The following CPSF3 variants were observed in gnomAD, a reference collection of about 807,000 sequenced individuals.
CPSF3 encodes cleavage and polyadenylation specificity factor subunit 3.
A neutral mutation model predicts 84.1 loss-of-function variants in CPSF3; 57 were observed. The observed-to-expected ratio is 0.68, with a 90% CI of 0.55 to 0.85. The LOEUF (loss-of-function observed/expected upper bound fraction) is 0.85, where lower values mean the gene tolerates loss of function less well. CPSF3 is among the 40% of genes least tolerant of loss of function. The pLI is 0.00. For synonymous variants in CPSF3, 275 were observed against 278.1 expected (o/e 0.99, Z 0.11); for missense variants, 522 against 838.8 (o/e 0.62, Z 4.66).
chr2:9,440,981 C>A (rs553143898), intron 8 of CPSF3, among the ~76,000 whole-genome samples: 1 of 152,348 alleles, frequency 6.6e-6, no homozygotes, highest in African/African-American at 2.4e-5. Flanking sequence ...AGCTGACATT[C>A]TTTTTCTGCT....
At chr2:9,460,513 T>C (rs1386526894) in intron 15 of CPSF3, among the ~76,000 whole-genome samples, 3 of 152,146 alleles carry the variant, frequency 2.0e-5, no homozygotes, top group Non-Finnish European at 4.4e-5. Flanking sequence ...ATTAGGAAGA[T>C]ATGCTACTAT....
At chr2:9,471,538 T>C (rs1445130718) in intron 17 of CPSF3, 99 bp downstream of exon 17, 3 of 744,044 alleles carry the variant, frequency 4.0e-6, no homozygotes, top group Admixed American at 4.2e-5. Flanking sequence ...CTGTTGCATA[T>C]TGGCATTTGC....
At chr2:9,450,210 G>T (rs993985756) in intron 11 of CPSF3, among the ~76,000 whole-genome samples, 2 of 149,454 alleles carry the variant, frequency 1.3e-5, no homozygotes, top group Non-Finnish European at 3.0e-5. Context: ...GGAGTGCAAT[G>T]GTGCCATCTC....
chr2:9,468,060 A>C, intron 16 of CPSF3: 8 of 308,624 alleles, frequency 2.6e-5, no homozygotes, highest in Non-Finnish European at 4.7e-5. Context: ...AAACATTCTC[A>C]TCAAGGACAA....
rs904893356 is a variant in CPSF3 at position 9,466,390 on chromosome 2, GCGCACACACACGCA to G, written c.1787-1313_1787-1300del. ...CACACACCCACGCACTCGCACACAC[GCGCACACACACGCA>G]CGCGCACACACGCACACGCGCACAC... On this transcript the variant is annotated intron_variant, in intron 15 of 17. Coordinates refer to ENST00000238112, the MANE Select transcript of CPSF3 (RefSeq NM_016207.4). Among the ~76,000 whole-genome samples the G allele has an allele frequency of 2.5e-3, 189 of 75,758 alleles. 1 individual carries two copies. Among genetic ancestry groups the G allele is most frequent in the African/African-American group, 5.9e-3 (169 of 28,566 alleles). 49.7% of individuals were successfully genotyped at this position (75,758 alleles called of 152,430 possible).
intron 11 of CPSF3, among the ~76,000 whole-genome samples, chr2:9,451,559 T>C (rs924519615): frequency 6.6e-6 from 1 of 152,024 alleles, no homozygotes; most frequent in African/African-American, 2.4e-5. Flanking sequence ...AGCTCAGGAA[T>C]TGAAGATCAG....
intron 7 of CPSF3, among the ~76,000 whole-genome samples, chr2:9,436,774 AAAT>A (rs70948816): frequency 2.1e-5 from 3 of 143,020 alleles, no homozygotes; most frequent in Admixed American, 7.0e-5. Flanking sequence ...CCATCTCAAA[AAAT>A]AATAATAATA....
Position 9,423,747 on chromosome 2 carries a change from C to T in CPSF3, c.-27C>T, listed in dbSNP as rs188841634. 8.1e-6 allele frequency: 13 copies of T among 1,612,244 alleles called. No individual in the cohort carries two copies. The highest frequency in any genetic ancestry group is 6.7e-5 in the East Asian group (3 of 44,772). On this transcript the variant is annotated 5_prime_UTR_variant, in exon 1 of 18. Coordinates refer to ENST00000238112, the MANE Select transcript of CPSF3 (RefSeq NM_016207.4). Reference sequence around the variant, plus strand: ...GAAGACCCCGGCGACCTGTTCCTCACCCCCGCTTCGCCCTCACACTTTCGG... The same window carrying T: ...GAAGACCCCGGCGACCTGTTCCTCATCCCCGCTTCGCCCTCACACTTTCGG...
intron 4 of CPSF3, among the ~76,000 whole-genome samples, chr2:9,431,862 A>G (rs1238529544): frequency 6.6e-6 from 1 of 152,108 alleles, no homozygotes; most frequent in African/African-American, 2.4e-5. Context: ...GGAGATAAAT[A>G]TATTTAATCT....
At chr2:9,434,814 C>T (rs1680718774) in intron 6 of CPSF3, among the ~76,000 whole-genome samples, 1 of 152,138 alleles carries the variant, frequency 6.6e-6, no homozygotes, top group Non-Finnish European at 1.5e-5. Flanking sequence ...AGAAATCTTG[C>T]AAGCTTTTGG....
At chr2:9,450,659 G>A (rs902149387) in intron 11 of CPSF3, among the ~76,000 whole-genome samples, 1 of 152,072 alleles carries the variant, frequency 6.6e-6, no homozygotes, top group Non-Finnish European at 1.5e-5. Context: ...GTGGTTGTGC[G>A]CAACTGCAGT....
intron 10 of CPSF3, among the ~76,000 whole-genome samples, chr2:9,446,600 AG>A (rs1448720375): frequency 2.0e-4 from 29 of 148,608 alleles, no homozygotes; most frequent in African/African-American, 7.1e-4. Context: ...AAAAAAAAAA[AG>A]TATAAAAATT....
In CPSF3 at chr2:9,472,892, G is replaced by C. The variant is rs536446102; in HGVS notation, c.1954-24G>C. 303 of 1,409,274 alleles carry C rather than the reference G, an allele frequency of 2.2e-4. 5 individuals are homozygous for C. In the South Asian group the frequency reaches 2.3e-3, roughly 11 times the overall value. 87.3% of individuals were successfully genotyped at this position (1,409,274 alleles called of 1,614,324 possible). On this transcript the variant is annotated intron_variant, in intron 17 of 17. Transcript: ENST00000238112. The stretch of plus-strand genomic sequence containing the variant: ...AATCATTATAGACTTAATTCTAACA[G>C]TCTTGTTTGTGCCTCACTTTCAGAC...
intron 15 of CPSF3, among the ~76,000 whole-genome samples, chr2:9,463,671 G>T (rs185259061): frequency 6.6e-6 from 1 of 152,298 alleles, no homozygotes; most frequent in African/African-American, 2.4e-5. Flanking sequence ...AGTTGATTCT[G>T]TATATTTATT....
intron 11 of CPSF3, among the ~76,000 whole-genome samples, chr2:9,450,705 T>G (rs918681757): frequency 2.0e-5 from 3 of 152,050 alleles, no homozygotes; most frequent in Non-Finnish European, 4.4e-5. Context: ...GGAGAATCGC[T>G]TGAACCTGGG....
At chr2:9,428,940 A>G in intron 2 of CPSF3, 112 bp downstream of exon 2, 1 of 666,924 alleles carries the variant, frequency 1.5e-6, no homozygotes. Flanking sequence ...GTTATAGTAC[A>G]TGTAATCTAT....
At chr2:9,459,940 GC>G (rs1334669935) in intron 15 of CPSF3, among the ~76,000 whole-genome samples, 1 of 151,886 alleles carries the variant, frequency 6.6e-6, no homozygotes, top group Non-Finnish European at 1.5e-5. Flanking sequence ...GAGCCACTGC[GC>G]CCAGCCACTC....
chr2:9,466,340 ACG>A (rs55864348), intron 15 of CPSF3, among the ~76,000 whole-genome samples: 5,256 of 56,650 alleles, frequency 0.093, 256 homozygotes, highest in African/African-American at 0.23. Context: ...GCACGCACAC[ACG>A]CGCGCGCGCG....
chr2:9,462,905 G>T (rs918232787), intron 15 of CPSF3, among the ~76,000 whole-genome samples: 1 of 152,210 alleles, frequency 6.6e-6, no homozygotes, highest in Non-Finnish European at 1.5e-5. Flanking sequence ...TGGGTGCCTT[G>T]TGTTTCTTAG....
Sources: allele counts gnomAD v4.1 joint callset (sites outside exome capture counted in the v4.1 genomes callset), GRCh38; gene constraint gnomAD v4.1.1; transcripts MANE v1.5; gene names NCBI Gene and HGNC (gene_info 2026-07-23, HGNC 2026-07-21).